Variants in SOX6 observed in about 807,000 individuals in gnomAD.
SOX6 encodes the protein SRY-box transcription factor 6, also known as transcription factor SOX-6.
A neutral mutation model predicts 97.8 loss-of-function variants in SOX6; 11 were observed. That is an observed-to-expected ratio of 0.11 (90% confidence interval 0.07 to 0.19). The LOEUF is 0.19. SOX6 is among the 10% of genes least tolerant of loss of function. SOX6 has a pLI of 1.00. For missense variants in SOX6, 810 were observed against 1,039.5 expected, an observed-to-expected ratio of 0.78 and a Z score of 3.04; for synonymous variants, 360 against 371.4, an observed-to-expected ratio of 0.97 and a Z score of 0.35.
At chr11:16,641,715 A>G (rs1848917544) in intron 3 of SOX6, among the ~76,000 whole-genome samples, 1 of 152,154 alleles carries the variant, frequency 6.6e-6, no homozygotes, top group African/African-American at 2.4e-5. Flanking sequence ...TTTATCAGAG[A>G]CTAAGATTGC....
At chr11:16,176,142 C>T (rs1851181484) in intron 6 of SOX6, among the ~76,000 whole-genome samples, 1 of 151,298 alleles carries the variant, frequency 6.6e-6, no homozygotes, top group Non-Finnish European at 1.5e-5. Context: ...AGAGATTCAA[C>T]CTAAATCTAA....
In SOX6 at chr11:15,972,715, G is replaced by T; in HGVS notation, c.*94C>A. 2 of 1,312,988 alleles carry T rather than the reference G, an allele frequency of 1.5e-6. No individual in the cohort carries two copies. The highest frequency in any genetic ancestry group is 1.5e-5 in the African/African-American group (1 of 68,732). 81.3% of individuals were successfully genotyped at this position (1,312,988 alleles called of 1,614,324 possible). A position where few individuals can be genotyped will look rare whatever the true frequency, so the allele number is the denominator to read the frequency against. On this transcript the variant is annotated 3_prime_UTR_variant, in exon 16 of 16. Transcript: ENST00000683767. ...TTAAGACCATTCTGCTGATGTAATTGTGGAGCCACAAATGCATGCGGGCTC... is the reference window on the plus strand; with the variant it reads ...TTAAGACCATTCTGCTGATGTAATTTTGGAGCCACAAATGCATGCGGGCTC...
rs549717428 is a variant in SOX6, at chr11:16,217,180, T to G, written c.535+17402A>C. Among the ~76,000 whole-genome samples, 71 of 152,312 alleles carry G rather than the reference T, an allele frequency of 4.7e-4. No homozygotes were observed. In the South Asian group the frequency reaches 8.1e-3, roughly 17 times the overall value. ...TGTTACGGACATAAACTTCAGGGTC[T>G]CAGTAGGTTTTCCCACATATTAGAC... On this transcript the variant is annotated intron_variant, in intron 4 of 15. Transcript: ENST00000683767.
chr11:16,231,588 T>C (rs1338861009), intron 4 of SOX6, among the ~76,000 whole-genome samples: 1 of 151,772 alleles, frequency 6.6e-6, no homozygotes, highest in East Asian at 1.9e-4. Context: ...TCAAAAGTCT[T>C]TTTAAAAAGA....
At chr11:16,368,993 A>G (rs955902656) in intron 1 of SOX6, among the ~76,000 whole-genome samples, 1 of 152,086 alleles carries the variant, frequency 6.6e-6, no homozygotes, top group Non-Finnish European at 1.5e-5. Flanking sequence ...TCCATCATTG[A>G]GGGAGGTAGA....
At chr11:16,423,690 A>G (rs981863749) in intron 1 of SOX6, among the ~76,000 whole-genome samples, 5 of 152,170 alleles carry the variant, frequency 3.3e-5, no homozygotes, top group Admixed American at 1.3e-4. Flanking sequence ...TGAAGTGACA[A>G]TGAGACATCC....
intron 2 of SOX6, among the ~76,000 whole-genome samples, chr11:16,335,538 T>G (rs1188810848): frequency 6.6e-6 from 1 of 152,162 alleles, no homozygotes. Context: ...TAAATTTCAT[T>G]TTGGTGCTGC....
chr11:16,068,273 T>C (rs530025600), intron 9 of SOX6, among the ~76,000 whole-genome samples: 2 of 152,240 alleles, frequency 1.3e-5, no homozygotes, highest in African/African-American at 2.4e-5. Flanking sequence ...AGACATATTA[T>C]AAAGCTGGGC....
At chr11:16,333,778 A>G (rs976158199) in intron 2 of SOX6, among the ~76,000 whole-genome samples, 9 of 152,142 alleles carry the variant, frequency 5.9e-5, no homozygotes, top group African/African-American at 1.2e-4. Flanking sequence ...TACTTTTCCT[A>G]TGTGTGTAAA....
chr11:16,331,305 G>C (rs1159913092), intron 2 of SOX6, among the ~76,000 whole-genome samples: 4 of 152,138 alleles, frequency 2.6e-5, no homozygotes, highest in African/African-American at 9.7e-5. Context: ...GCCCAATCAA[G>C]GTTTGTCAAA....
chr11:16,512,041 T>C (rs1860886959), intron 4 of SOX6, among the ~76,000 whole-genome samples: 2 of 152,194 alleles, frequency 1.3e-5, no homozygotes, highest in Non-Finnish European at 2.9e-5. Flanking sequence ...ATTGTATATA[T>C]GTTCTTTTTT....
chr11:16,708,298 T>C (rs1848152246), intron 3 of SOX6, among the ~76,000 whole-genome samples: 1 of 152,166 alleles, frequency 6.6e-6, no homozygotes, highest in South Asian at 2.1e-4. Flanking sequence ...GTGCCTTAGA[T>C]GTATAAGCTC....
chr11:16,371,238 G>T (rs1203497304), intron 1 of SOX6, among the ~76,000 whole-genome samples: 1 of 151,830 alleles, frequency 6.6e-6, no homozygotes, highest in Non-Finnish European at 1.5e-5. Flanking sequence ...AGTCTGCACT[G>T]GTCCCTCCCT....
At chr11:16,653,188 C>A (rs147704738) in intron 3 of SOX6, among the ~76,000 whole-genome samples, 1,785 of 152,224 alleles carry the variant, frequency 0.012, 33 homozygotes, top group African/African-American at 0.041. Flanking sequence ...ACTAGTACAA[C>A]CACTATGGAA....
chr11:16,141,876 C>T (rs1269571996), intron 6 of SOX6, among the ~76,000 whole-genome samples: 2 of 152,132 alleles, frequency 1.3e-5, no homozygotes, highest in Non-Finnish European at 2.9e-5. Context: ...TGGGAGGAGC[C>T]CACTGCAGGT....
intron 4 of SOX6, among the ~76,000 whole-genome samples, chr11:16,571,015 AC>A (rs201709163): frequency 0.012 from 1,799 of 152,326 alleles, 11 homozygotes; most frequent in Non-Finnish European, 0.018. Context: ...TAAAATTATA[AC>A]ATTTTTAAAG....
intron 6 of SOX6, among the ~76,000 whole-genome samples, chr11:16,127,340 A>C (rs1271794627): frequency 6.6e-6 from 1 of 152,048 alleles, no homozygotes; most frequent in African/African-American, 2.4e-5. Flanking sequence ...ATGTATACTT[A>C]CTCACCTCTA....
Position 16,556,859 on chromosome 11 carries a change from C to T in SOX6, n.609+55222G>A, listed in dbSNP as rs1031544023. Among the ~76,000 whole-genome samples, 28 of 151,724 alleles carry T rather than the reference C, an allele frequency of 1.8e-4. 1 individual carries two copies. The highest frequency in any genetic ancestry group is 3.0e-5 in the Non-Finnish European group (2 of 67,716). On this transcript the variant is annotated intron_variant and non_coding_transcript_variant, in intron 4 of 5. Coordinates refer to the SOX6 transcript ENST00000524520. ...TAACGTAACGATTTATAGCCCAATT[C>T]ATAGGTCTTAGCTGATAATACCTCT...
At chr11:16,260,209 C>T (rs969309410) in intron 3 of SOX6, among the ~76,000 whole-genome samples, 2 of 151,966 alleles carry the variant, frequency 1.3e-5, no homozygotes, top group Admixed American at 6.6e-5. Context: ...ACCATGTTAG[C>T]CACGATGGTC....
Sources: allele counts gnomAD v4.1 joint callset (sites outside exome capture counted in the v4.1 genomes callset), GRCh38; gene constraint gnomAD v4.1.1; transcripts MANE v1.5; gene names NCBI Gene and HGNC (gene_info 2026-07-23, HGNC 2026-07-21).